The following APBA1 variants were observed in gnomAD, a reference collection of about 807,000 sequenced individuals.
The protein encoded by APBA1 is amyloid-beta A4 precursor protein-binding family A member 1.
APBA1 carries 55 observed loss-of-function variants against 86.6 expected under a neutral mutation model. The ratio of observed to expected loss-of-function variants is 0.64; its 90% CI spans 0.51 to 0.80. The LOEUF is 0.80. Among genes scored for constraint, APBA1 ranks in the 30% least tolerant of loss-of-function variants. The probability of loss-of-function intolerance (pLI) is 0.00; values close to 1 mark genes in which losing one functional copy is unlikely to be tolerated. For missense variants in APBA1, 1,090 were observed against 1,183.0 expected, an observed-to-expected ratio of 0.92 and a Z score of 1.15; for synonymous variants, 511 against 493.9, an observed-to-expected ratio of 1.03 and a Z score of -0.46.
intron 1 of APBA1, among the ~76,000 whole-genome samples, chr9:69,649,898 A>G (rs559064766): frequency 2.0e-5 from 3 of 152,310 alleles, no homozygotes; most frequent in Admixed American, 1.3e-4. Flanking sequence ...AAAGATAGTG[A>G]CAGCCGGTTG....
chr9:69,658,286 C>CTTCTTTCTT (rs770180947), intron 1 of APBA1, among the ~76,000 whole-genome samples: 2 of 74,184 alleles, frequency 2.7e-5, no homozygotes, highest in African/African-American at 9.3e-5. Context: ...CTTTCTTTCT[C>CTTCTTTCTT]TCTCTCTTTC....
chr9:69,658,264 CTTTCTTTCTT>C (rs1823661970), intron 1 of APBA1, among the ~76,000 whole-genome samples: 30 of 65,900 alleles, frequency 4.6e-4, no homozygotes, highest in African/African-American at 1.4e-3. Flanking sequence ...TTCTTTCTTT[CTTTCTTTCTT>C]TCTTTCTTTC....
intron 1 of APBA1, among the ~76,000 whole-genome samples, chr9:69,521,889 G>T (rs961378322): frequency 6.6e-6 from 1 of 152,020 alleles, no homozygotes; most frequent in Non-Finnish European, 1.5e-5. Context: ...GAGTTGGGCA[G>T]GGTCTGGTAC....
intron 1 of APBA1, among the ~76,000 whole-genome samples, chr9:69,591,480 T>A (rs114957556): frequency 2.6e-5 from 4 of 152,208 alleles, no homozygotes; most frequent in Admixed American, 6.5e-5. Flanking sequence ...GTCAACAATA[T>A]GAAGGGAACC....
chr9:69,501,405 G>A (rs1835877451), intron 2 of APBA1, among the ~76,000 whole-genome samples: 2 of 151,958 alleles, frequency 1.3e-5, no homozygotes, highest in Admixed American at 1.3e-4. Flanking sequence ...TGGGCTCCAG[G>A]ATACAACTGG....
intron 1 of APBA1, among the ~76,000 whole-genome samples, chr9:69,574,522 C>G (rs1821740133): frequency 6.6e-6 from 1 of 152,142 alleles, no homozygotes; most frequent in African/African-American, 2.4e-5. Context: ...AATGAATGTA[C>G]TGATCTCTTT....
At chr9:69,596,586 G>A (rs59791186) in intron 1 of APBA1, among the ~76,000 whole-genome samples, 12,337 of 152,142 alleles carry the variant, frequency 0.081, 731 homozygotes, top group African/African-American at 0.17. Context: ...CCCATGTTCC[G>A]AGCATGTTAT....
At chr9:69,474,269 C>G (rs1261451474) in intron 3 of APBA1, 1 of 152,158 alleles carries the variant, frequency 6.6e-6, no homozygotes, top group East Asian at 1.9e-4. Flanking sequence ...CCAGCAGTGG[C>G]AGATCTTGGC....
chr9:69,536,852 T>G lies in APBA1; in HGVS notation c.-69-19573A>C, dbSNP rs183092413. ...CTGAGATCGTGCCACTGCACTCCAG[T>G]CTGGGTGACAGAGCAAGACTCTGTC... On this transcript the variant is annotated intron_variant, in intron 1 of 12. Coordinates refer to ENST00000265381, the MANE Select transcript of APBA1 (RefSeq NM_001163.4). Among the ~76,000 whole-genome samples the G allele has an allele frequency of 8.7e-3, 1,310 of 150,546 alleles. 16 individuals carry two copies. The highest frequency in any genetic ancestry group is 0.03 in the African/African-American group (1,244 of 41,118).
At chr9:69,638,808 T>C (rs1348529698) in intron 1 of APBA1, among the ~76,000 whole-genome samples, 2 of 152,168 alleles carry the variant, frequency 1.3e-5, no homozygotes, top group Non-Finnish European at 2.9e-5. Context: ...AGAAGATTGA[T>C]GGAAAAAACA....
In APBA1 at chr9:69,456,408, T is replaced by G. The variant is rs772186318; in HGVS notation, c.1627A>C (p.Arg543=). The stretch of plus-strand genomic sequence containing the variant: ...ATGTCCGCAATGTAGGAAATGGTCC[T>G]CAGAGGGTGGTCCATCATTGTCTCC... ...TQETMMDHPL[R]TISYIADIGN... is the part of the protein sequence containing the mutation. Residue 543 remains arginine, a synonymous_variant, in exon 8 of 13, where the codon AGG becomes CGG. Transcript: ENST00000265381. 4.4e-6 allele frequency: 7 copies of G among 1,605,304 alleles called. No individual in the cohort carries two copies. Among genetic ancestry groups the G allele is most frequent in the Non-Finnish European group, 6.0e-6 (7 of 1,174,748 alleles).
chr9:69,617,538 C>A (rs1355568150), intron 1 of APBA1, among the ~76,000 whole-genome samples: 1 of 152,048 alleles, frequency 6.6e-6, no homozygotes, highest in Admixed American at 6.6e-5. Context: ...TACACCTCCA[C>A]CTTAAGAGCC....
rs1233580767 is a variant in APBA1 at position 69,516,554 on chromosome 9, C to T, written c.657G>A (p.Glu219=). The T allele has an allele frequency of 3.1e-6, 5 of 1,598,324 alleles. No individual in the cohort carries two copies. The highest frequency in any genetic ancestry group is 1.1e-5 in the South Asian group (1 of 90,710). The change falls in exon 2 of 13, where the codon GAG becomes GAA. Residue 219 remains glutamate (E), a synonymous_variant. Transcript: ENST00000265381. The surrounding 1 kb of genome is among the most constrained non-coding windows in gnomAD (Gnocchi z 7.3). ...ARDGLRLYEQ[E]RDEAAAYRQE... ...GGCGGTACGCGGCCGCCTCGTCGCGCTCCTGCTCGTAGAGCCGCAGGCCGT... is the reference window on the plus strand; with the variant it reads ...GGCGGTACGCGGCCGCCTCGTCGCGTTCCTGCTCGTAGAGCCGCAGGCCGT...
At position 69,461,348 on chromosome 9, in the gene APBA1, C is replaced by T. The variant is rs552429846; in HGVS notation, c.1483-3160G>A. The T allele has an allele frequency of 2.0e-5, 3 of 152,276 alleles. No individual in the cohort carries two copies. In the East Asian group the frequency reaches 5.8e-4, roughly 30 times the overall value. 9.4% of individuals were successfully genotyped at this position (152,276 alleles called of 1,614,324 possible). Reference sequence around the variant, plus strand: ...GACAAACTGCAGCACCCCCCACCCCCTTACTCCATCCACAATGTGTACTGA... The same window carrying T: ...GACAAACTGCAGCACCCCCCACCCCTTTACTCCATCCACAATGTGTACTGA... On this transcript the variant is annotated intron_variant, in intron 5 of 12. Coordinates refer to ENST00000265381, the MANE Select transcript of APBA1 (RefSeq NM_001163.4).
intron 1 of APBA1, among the ~76,000 whole-genome samples, chr9:69,607,279 TGGCA>T (rs1393709035): frequency 6.6e-6 from 1 of 152,180 alleles, no homozygotes; most frequent in Non-Finnish European, 1.5e-5. Flanking sequence ...TCTTACATGG[TGGCA>T]GGCAAGAGAG....
At chr9:69,630,825 CT>C (rs1823027464) in intron 1 of APBA1, among the ~76,000 whole-genome samples, 2 of 152,178 alleles carry the variant, frequency 1.3e-5, no homozygotes, top group South Asian at 4.1e-4. Context: ...TACGTGAAGG[CT>C]TTGGTTAACT....
intron 2 of APBA1, among the ~76,000 whole-genome samples, chr9:69,482,324 A>C (rs1413784955): frequency 6.6e-6 from 1 of 152,108 alleles, no homozygotes; most frequent in African/African-American, 2.4e-5. Flanking sequence ...ACATGAATAG[A>C]CACTTCTCAA....
chr9:69,616,445 C>T (rs1822702441), intron 1 of APBA1, among the ~76,000 whole-genome samples: 1 of 152,148 alleles, frequency 6.6e-6, no homozygotes, highest in Non-Finnish European at 1.5e-5. Flanking sequence ...CGGCTCAAAA[C>T]CATGCGAACT....
intron 8 of APBA1, among the ~76,000 whole-genome samples, chr9:69,455,110 G>A (rs893880135): frequency 5.3e-5 from 8 of 152,154 alleles, no homozygotes; most frequent in South Asian, 2.1e-4. Flanking sequence ...CCTAACTTCC[G>A]AGAGGAAGGC....
Sources: allele counts gnomAD v4.1 joint callset (sites outside exome capture counted in the v4.1 genomes callset), GRCh38; gene constraint gnomAD v4.1.1; non-coding constraint Gnocchi (gnomAD v3.1); transcripts MANE v1.5; gene names NCBI Gene and HGNC (gene_info 2026-07-23, HGNC 2026-07-21).